The following TSPAN18 variants were observed in gnomAD, a reference collection of about 807,000 sequenced individuals.
TSPAN18 encodes tetraspanin 18.
A neutral mutation model predicts 27.3 loss-of-function variants in TSPAN18; 14 were observed. The ratio of observed to expected loss-of-function variants is 0.51; its 90% CI spans 0.34 to 0.80. The LOEUF (loss-of-function observed/expected upper bound fraction) is 0.80. TSPAN18 is among the 30% of genes least tolerant of loss of function. TSPAN18 has a pLI of 0.01. For missense variants in TSPAN18, 268 were observed against 323.9 expected, an observed-to-expected ratio of 0.83 and a Z score of 1.32; for synonymous variants, 143 against 136.5, an observed-to-expected ratio of 1.05 and a Z score of -0.33.
chr11:44,794,389 C>T (rs1178917044), intron 2 of TSPAN18, among the ~76,000 whole-genome samples: 1 of 152,092 alleles, frequency 6.6e-6, no homozygotes, highest in African/African-American at 2.4e-5. Context: ...AGGCTCTGGC[C>T]GGGCATGGTA....
At chr11:44,887,876 G>A (rs981464515) in intron 3 of TSPAN18, among the ~76,000 whole-genome samples, 7 of 152,166 alleles carry the variant, frequency 4.6e-5, no homozygotes, top group Non-Finnish European at 4.4e-5. Flanking sequence ...CTTAATACCC[G>A]TGAAGCCATT....
At chr11:44,778,421 C>T (rs1466616205) in intron 2 of TSPAN18, among the ~76,000 whole-genome samples, 1 of 152,082 alleles carries the variant, frequency 6.6e-6, no homozygotes, top group Non-Finnish European at 1.5e-5. Flanking sequence ...TTGTTGGTTC[C>T]AGAATCCTCT....
chr11:44,854,208 G>GC (rs1857676252), intron 2 of TSPAN18, among the ~76,000 whole-genome samples: 1 of 134,868 alleles, frequency 7.4e-6, no homozygotes, highest in African/African-American at 2.6e-5. Context: ...GGTGGGGGGG[G>GC]GGGTTTGTGT....
At chr11:44,835,082 G>A (rs1048277650) in intron 2 of TSPAN18, among the ~76,000 whole-genome samples, 3 of 152,198 alleles carry the variant, frequency 2.0e-5, no homozygotes, top group Non-Finnish European at 4.4e-5. Flanking sequence ...GGCACCTCTG[G>A]CTGCCTGCAC....
intron 1 of TSPAN18, among the ~76,000 whole-genome samples, chr11:44,744,035 G>A (rs1298389430): frequency 3.3e-5 from 5 of 152,186 alleles, no homozygotes; most frequent in Admixed American, 6.5e-5. Flanking sequence ...GCCTGGTTGA[G>A]GGGAGAAAAT....
intron 1 of TSPAN18, among the ~76,000 whole-genome samples, chr11:44,729,982 G>A (rs1368469000): frequency 6.6e-6 from 1 of 152,160 alleles, no homozygotes. Context: ...AAATGAATAT[G>A]TTGGCTGAGG....
intron 4 of TSPAN18, among the ~76,000 whole-genome samples, chr11:44,908,807 G>GA (rs1314371600): frequency 8.7e-6 from 1 of 114,546 alleles, no homozygotes; most frequent in Non-Finnish European, 1.8e-5. Flanking sequence ...AAGAAAGAAA[G>GA]AAAGAAAGAA....
chr11:44,907,113 A>C (rs1859481617), intron 4 of TSPAN18, among the ~76,000 whole-genome samples: 1 of 142,652 alleles, frequency 7.0e-6, no homozygotes, highest in African/African-American at 2.6e-5. Context: ...CTCCATTTCC[A>C]TCTAGCCTAT....
chr11:44,824,057 C>T (rs954018842), intron 2 of TSPAN18, among the ~76,000 whole-genome samples: 15 of 152,226 alleles, frequency 9.9e-5, no homozygotes, highest in African/African-American at 3.6e-4. Context: ...CCCCCAGCTC[C>T]ACCTCCTGCT....
At chr11:44,849,890 G>T (rs982588233) in intron 2 of TSPAN18, among the ~76,000 whole-genome samples, 47 of 152,270 alleles carry the variant, frequency 3.1e-4, no homozygotes, top group African/African-American at 9.9e-4. Flanking sequence ...ACAGCTCATT[G>T]GCCAAGCACA....
intron 8 of TSPAN18, among the ~76,000 whole-genome samples, chr11:44,924,268 C>T (rs1860263425): frequency 6.6e-6 from 1 of 150,508 alleles, no homozygotes; most frequent in African/African-American, 2.5e-5. Context: ...TTGCTACTTG[C>T]CAACACTCTT....
intron 8 of TSPAN18, among the ~76,000 whole-genome samples, chr11:44,923,860 A>G (rs951948113): frequency 1.3e-5 from 2 of 152,112 alleles, no homozygotes; most frequent in Admixed American, 1.3e-4. Context: ...TGTTCCTGGG[A>G]AGCTTCCATT....
intron 6 of TSPAN18, 108 bp downstream of exon 6, chr11:44,918,154 C>G (rs1473107236): frequency 8.5e-7 from 1 of 1,174,592 alleles, no homozygotes; most frequent in African/African-American, 1.5e-5. Flanking sequence ...AGTGGGCAGC[C>G]TCTCATCTGG....
chr11:44,800,855 A>C (rs1270407900), intron 2 of TSPAN18, among the ~76,000 whole-genome samples: 1 of 152,170 alleles, frequency 6.6e-6, no homozygotes, highest in East Asian at 1.9e-4. Context: ...GTCTGCCCAG[A>C]AAGTCTGTCT....
chr11:44,797,540 C>A (rs1356394195), intron 2 of TSPAN18, among the ~76,000 whole-genome samples: 1 of 152,138 alleles, frequency 6.6e-6, no homozygotes, highest in East Asian at 1.9e-4. Context: ...TGCCTGAGCA[C>A]CTGGGAGCCA....
intron 2 of TSPAN18, among the ~76,000 whole-genome samples, chr11:44,777,543 G>C (rs1438500520): frequency 2.6e-5 from 4 of 152,206 alleles, no homozygotes; most frequent in Admixed American, 2.6e-4. Flanking sequence ...TATTATTTTA[G>C]GAGAGGAACA....
At chr11:44,911,426 G>A (rs1017461771) in intron 5 of TSPAN18, among the ~76,000 whole-genome samples, 6 of 152,176 alleles carry the variant, frequency 3.9e-5, no homozygotes, top group Non-Finnish European at 7.3e-5. Context: ...TGAGTGACAA[G>A]GAGCCTTGGG....
rs1665153 is a variant in TSPAN18 at position 44,783,492 on chromosome 11, A to G, written c.-153+18980A>G. Among the ~76,000 whole-genome samples, 1,333 of 151,318 alleles carry G rather than the reference A, an allele frequency of 8.8e-3. 15 individuals carry two copies. The highest frequency in any genetic ancestry group is 0.029 in the African/African-American group (1,211 of 41,166). On this transcript the variant is annotated intron_variant, in intron 2 of 9. Coordinates refer to ENST00000520358, the MANE Select transcript of TSPAN18 (RefSeq NM_130783.5). ...CGGCTCACTGCAACCTCCACCTTCT[A>G]GGTTCAAGCGATTCTCCTGCCTCAG... is the stretch of plus-strand genomic sequence containing the variant.
chr11:44,919,618 C>T (rs1000219484), intron 7 of TSPAN18, 199 bp from the exon 8 acceptor site: 3 of 634,018 alleles, frequency 4.7e-6, no homozygotes, highest in African/African-American at 3.7e-5. Flanking sequence ...GTTACTGCCA[C>T]CTCTGTTATA....
Sources: allele counts gnomAD v4.1 joint callset (sites outside exome capture counted in the v4.1 genomes callset), GRCh38; gene constraint gnomAD v4.1.1; transcripts MANE v1.5; gene names NCBI Gene and HGNC (gene_info 2026-07-23, HGNC 2026-07-21).